The following SPTBN4 variants were observed in gnomAD, a reference collection of about 807,000 sequenced individuals.
SPTBN4 encodes spectrin beta, non-erythrocytic 4, also known as spectrin beta chain, non-erythrocytic 4.
SPTBN4 carries 96 observed loss-of-function variants against 277.8 expected under a neutral mutation model. The observed-to-expected ratio is 0.35, with a 90% confidence interval of 0.29 to 0.41. SPTBN4 has a LOEUF of 0.41. Among genes scored for constraint, SPTBN4 ranks in the 10% least tolerant of loss-of-function variants. The probability of loss-of-function intolerance (pLI) is 1.00; values close to 1 mark genes in which losing one functional copy is unlikely to be tolerated. For missense variants in SPTBN4, 3,006 were observed against 3,595.7 expected, an observed-to-expected ratio of 0.84 and a Z score of 4.19; for synonymous variants, 1,481 against 1,580.3, an observed-to-expected ratio of 0.94 and a Z score of 1.49.
chr19:40,525,479 G>T (rs1201245504), intron 17 of SPTBN4, among the ~76,000 whole-genome samples: 1 of 152,102 alleles, frequency 6.6e-6, no homozygotes, highest in East Asian at 1.9e-4. Flanking sequence ...GAGCCACTGA[G>T]CATGGCCTGT....
intron 20 of SPTBN4, among the ~76,000 whole-genome samples, chr19:40,539,930 A>T (rs994313113): frequency 6.8e-6 from 1 of 147,220 alleles, no homozygotes. Flanking sequence ...CAGGTCTTTA[A>T]TTTTTTTTTT....
intron 4 of SPTBN4, among the ~76,000 whole-genome samples, chr19:40,492,179 C>T (rs1008140194): frequency 6.6e-6 from 1 of 151,912 alleles, no homozygotes. Context: ...GGAAGACACT[C>T]AGGGAGTGGA....
In SPTBN4 at chr19:40,560,755, ATC is replaced by A. The variant is rs2081034797; in HGVS notation, c.5915+355_5915+356del. On this transcript the variant is annotated intron_variant, in intron 27 of 35. Transcript: ENST00000598249. This position sits in a 1 kb window ranked among gnomAD's most constrained non-coding sequence, Gnocchi z 5.2. ...GGTGAAGAATTCTAACAATTCCAGC[ATC>A]TCAGTGGCTTCATTAGTGGGCATGG... 7.6e-7 allele frequency: 1 copy of A among 1,314,040 alleles called. No individual in the cohort carries two copies. Among genetic ancestry groups the A allele is most frequent in the Non-Finnish European group, 9.7e-7 (1 of 1,029,448 alleles). 81.4% of individuals were successfully genotyped at this position (1,314,040 alleles called of 1,614,324 possible).
rs1477807753 is a variant in SPTBN4 at position 40,490,581 on chromosome 19, A to G, written c.495+333A>G. 1.3e-5 allele frequency among the ~76,000 whole-genome samples: 2 copies of G among 152,176 alleles called. No individual in the cohort carries two copies. The highest frequency in any genetic ancestry group is 3.8e-4 in the East Asian group (2 of 5,198). On this transcript the variant is annotated intron_variant, in intron 4 of 35. Transcript: ENST00000598249. The surrounding 1 kb of genome is among the most constrained non-coding windows in gnomAD (Gnocchi z 4.3). ...TGGTGTCATCTGCCCAAGATCACAT[A>G]TACCTGGGTGTTGGAGCTGAAATTC...
Position 40,554,967 on chromosome 19 carries a change from T to G in SPTBN4, c.5084+321T>G. 3.4e-6 allele frequency: 1 copy of G among 292,008 alleles called. No homozygotes were observed. The highest frequency in any genetic ancestry group is 6.6e-6 in the Non-Finnish European group (1 of 151,926). 18.1% of individuals were successfully genotyped at this position (292,008 alleles called of 1,614,324 possible). ...GGCAAGGGGCTCTTTCTACTCAGTG[T>G]CTGGGAGGACAGAAAAGCCTGTGCT... is the stretch of plus-strand genomic sequence containing the variant. On this transcript the variant is annotated intron_variant, in intron 24 of 35. Transcript: ENST00000598249. This position sits in a 1 kb window ranked among gnomAD's most constrained non-coding sequence, Gnocchi z 5.7.
chr19:40,479,522 G>C lies in SPTBN4; in HGVS notation c.169+6732G>C, dbSNP rs150544932. ...GGGTCTTGCTATGTTGCCTAGGCTG[G>C]TCTTGAACTCCTGGGCCCAAGCAAT... On this transcript the variant is annotated intron_variant, in intron 2 of 35. Coordinates refer to ENST00000598249, the MANE Select transcript of SPTBN4 (RefSeq NM_020971.3). Among the ~76,000 whole-genome samples the C allele has an allele frequency of 4.8e-3, 731 of 151,528 alleles. 9 individuals carry two copies. Among genetic ancestry groups the C allele is most frequent in the African/African-American group, 0.017 (691 of 41,276 alleles).
At position 40,534,559 on chromosome 19, in the gene SPTBN4, G is replaced by T. The variant is rs372104094; in HGVS notation, c.4359+216G>T. 34 of 618,626 alleles carry T rather than the reference G, an allele frequency of 5.5e-5. No homozygotes were observed. In the East Asian group the frequency reaches 7.6e-4, roughly 14 times the overall value. 38.3% of individuals were successfully genotyped at this position (618,626 alleles called of 1,614,324 possible). On this transcript the variant is annotated intron_variant, in intron 20 of 35. Coordinates refer to ENST00000598249, the MANE Select transcript of SPTBN4 (RefSeq NM_020971.3). ...TAAGGTATGGAGTACAAAGGGAAAA[G>T]GAAGGATCTAGAGCCACAAAGCAGT...
intron 12 of SPTBN4, 28 bp downstream of exon 12, chr19:40,504,160 T>TGGGGGGG: frequency 3.9e-6 from 4 of 1,016,108 alleles, no homozygotes; most frequent in Non-Finnish European, 5.6e-6. Context: ...GGGATGCGGG[T>TGGGGGGG]GGAGTGCCAG....
chr19:40,575,261 C>CATATTGCT, intron 35 of SPTBN4, 150 bp from the exon 36 acceptor site: 1 of 938,648 alleles, frequency 1.1e-6, no homozygotes, highest in African/African-American at 1.7e-5. Flanking sequence ...GAGCCTGGCA[C>CATATTGCT]ATATTGCTAT....
chr19:40,481,361 G>A (rs1010293286), intron 2 of SPTBN4, among the ~76,000 whole-genome samples: 1 of 152,112 alleles, frequency 6.6e-6, no homozygotes, highest in Non-Finnish European at 1.5e-5. Flanking sequence ...GGCCAAGTGA[G>A]TGCATATCTA....
intron 5 of SPTBN4, among the ~76,000 whole-genome samples, chr19:40,494,058 G>T (rs186908808): frequency 5.3e-5 from 8 of 152,094 alleles, no homozygotes; most frequent in African/African-American, 1.9e-4. Context: ...TACTGGGAAG[G>T]TTCCCTTTGG....
chr19:40,513,893 A>G (rs952281239), intron 14 of SPTBN4, among the ~76,000 whole-genome samples: 5 of 152,080 alleles, frequency 3.3e-5, no homozygotes, highest in East Asian at 1.9e-4. Flanking sequence ...CAAGCATGAA[A>G]TCAACGACCT....
At chr19:40,557,918 C>CAA (rs772813414) in intron 26 of SPTBN4, among the ~76,000 whole-genome samples, 218 of 43,052 alleles carry the variant, frequency 5.1e-3, no homozygotes, top group Middle Eastern at 0.013. Context: ...TACTCTGTCT[C>CAA]AAAAAAAAAA....
rs368715725 is a variant in SPTBN4 at position 40,477,025 on chromosome 19, T to TTTA, written c.169+4258_169+4260dup. Among the ~76,000 whole-genome samples the TTTA allele has an allele frequency of 9.8e-3, 1,443 of 147,574 alleles. 8 individuals are homozygous for TTTA. The highest frequency in any genetic ancestry group is 0.025 in the Middle Eastern group (7 of 280). ...TGTACCACCACTCCCAGCTGTAGAA[T>TTTA]TTATTATTATTATTATTATTATTAT... On this transcript the variant is annotated intron_variant, in intron 2 of 35. Coordinates refer to ENST00000598249, the MANE Select transcript of SPTBN4 (RefSeq NM_020971.3).
At chr19:40,491,213 G>A (rs1213191598) in intron 4 of SPTBN4, among the ~76,000 whole-genome samples, 1 of 152,164 alleles carries the variant, frequency 6.6e-6, no homozygotes, top group African/African-American at 2.4e-5. Flanking sequence ...ATTCCAGGCA[G>A]GGGGCACAGC....
At position 40,575,411 on chromosome 19, in the gene SPTBN4, G is replaced by A. The variant is rs2081192048; in HGVS notation, c.7537G>A (p.Glu2513Lys). ...SEFLLQAKDE[E>K]EMNGWLEAVA... ...CTCTGTGCCCTGTTTCTTCCCCCAGGAGGAGATGAACGGCTGGCTGGAGGC... is the reference window on the plus strand; with the variant it reads ...CTCTGTGCCCTGTTTCTTCCCCCAGAAGGAGATGAACGGCTGGCTGGAGGC... Residue 2513 changes from glutamate (E) to lysine (K), a missense_variant and splice_region_variant, in exon 36 of 36, where the codon GAG becomes AAG. Around this residue, in one of 5 missense-constraint regions of SPTBN4, gnomAD observed 630 missense variants for 677.6 expected, o/e 0.93. Coordinates refer to ENST00000598249, the MANE Select transcript of SPTBN4 (RefSeq NM_020971.3). 1.2e-6 allele frequency: 2 copies of A among 1,612,956 alleles called. No individual in the cohort carries two copies. Among genetic ancestry groups the A allele is most frequent in the Admixed American group, 1.7e-5 (1 of 59,918 alleles).
intron 13 of SPTBN4, among the ~76,000 whole-genome samples, chr19:40,511,570 A>C (rs1196345948): frequency 6.6e-6 from 1 of 152,240 alleles, no homozygotes; most frequent in Non-Finnish European, 1.5e-5. Context: ...CTAGTCGCCA[A>C]CTAGCCATCC....
chr19:40,484,201 C>T (rs2080043946), intron 2 of SPTBN4, among the ~76,000 whole-genome samples: 1 of 152,158 alleles, frequency 6.6e-6, no homozygotes, highest in Non-Finnish European at 1.5e-5. Context: ...CATTAACCAT[C>T]ACCCCTTCCC....
intron 3 of SPTBN4, among the ~76,000 whole-genome samples, chr19:40,488,201 T>C (rs1405009091): frequency 6.6e-6 from 1 of 151,474 alleles, no homozygotes; most frequent in Non-Finnish European, 1.5e-5. Context: ...GGTTATGAGC[T>C]AGTAGGGGCA....
Sources: gnomAD v4.1 joint callset for allele counts (sites outside exome capture counted in the v4.1 genomes callset) on GRCh38, gnomAD v4.1.1 for gene constraint, gnomAD v4.1.1 regional missense constraint, Gnocchi (gnomAD v3.1) non-coding constraint, MANE v1.5 for transcripts, NCBI Gene and HGNC (gene_info 2026-07-23, HGNC 2026-07-21) for gene names.